The following HDAC4 variants were observed in gnomAD, a reference collection of about 807,000 sequenced individuals.
The protein encoded by HDAC4 is histone deacetylase A.
In HDAC4, 16 loss-of-function variants were observed where a neutral mutation model predicts 135.1. The ratio of observed to expected loss-of-function variants is 0.12; its 90% CI spans 0.08 to 0.18. The LOEUF is 0.18. Ranked by LOEUF, HDAC4 falls within the 10% of genes least tolerant of loss-of-function variation. HDAC4 has a pLI of 1.00. For synonymous variants in HDAC4, 685 were observed against 653.4 expected (o/e 1.05, Z -0.74); for missense variants, 1,143 against 1,511.8 (o/e 0.76, Z 4.05).
At chr2:239,251,005 G>A (rs60206527) in intron 2 of HDAC4, among the ~76,000 whole-genome samples, 394 of 152,298 alleles carry the variant, frequency 2.6e-3, no homozygotes, top group African/African-American at 8.9e-3. Flanking sequence ...CAGCCAGCAC[G>A]TCTGGAAAGA....
intron 3 of HDAC4, among the ~76,000 whole-genome samples, chr2:239,221,808 T>G (rs1229860602): frequency 2.2e-4 from 34 of 152,202 alleles, no homozygotes; most frequent in Non-Finnish European, 2.9e-5. Context: ...TCTTTTCTGG[T>G]GAATATTTCT....
intron 17 of HDAC4, among the ~76,000 whole-genome samples, chr2:239,093,639 C>T (rs922527325): frequency 2.6e-5 from 4 of 152,228 alleles, no homozygotes; most frequent in Admixed American, 6.5e-5. Flanking sequence ...CCCGCGTCCA[C>T]GTGGGGAGCT....
Position 239,068,675 on chromosome 2 carries a change from A to ACTTGCTT in HDAC4, c.2751-69_2751-68insAAGCAAG. On this transcript the variant is annotated intron_variant, in intron 22 of 26. Transcript: ENST00000543185. This position sits in a 1 kb window ranked among gnomAD's most constrained non-coding sequence, Gnocchi z 4.4. ...GGGACGGGACGGTCACAAAACCCCA[A>ACTTGCTT]GGTTCCCTCTGGCATTGATAATGCC... The ACTTGCTT allele has an allele frequency of 7.3e-7, 1 of 1,366,774 alleles. No individual in the cohort carries two copies. The highest frequency in any genetic ancestry group is 1.0e-6 in the Non-Finnish European group (1 of 955,728). 84.7% of individuals were successfully genotyped at this position (1,366,774 alleles called of 1,614,324 possible).
chr2:239,240,003 C>T lies in HDAC4; in HGVS notation c.23-3339G>A, dbSNP rs1264066677. Among the ~76,000 whole-genome samples the T allele has an allele frequency of 6.6e-6, 1 of 152,242 alleles. No homozygotes were observed. The highest frequency in any genetic ancestry group is 1.5e-5 in the Non-Finnish European group (1 of 68,044). On this transcript the variant is annotated intron_variant, in intron 2 of 26. Coordinates refer to ENST00000543185, the MANE Select transcript of HDAC4 (RefSeq NM_001378414.1). This position sits in a 1 kb window ranked among gnomAD's most constrained non-coding sequence, Gnocchi z 4.5. ...GCCACAGTCTCTTTAAGACAAGATC[C>T]CGGCCTGAGCCGTCCTTGGTCGTCC...
At chr2:239,317,833 G>A (rs1335424472) in intron 2 of HDAC4, among the ~76,000 whole-genome samples, 1 of 152,182 alleles carries the variant, frequency 6.6e-6, no homozygotes, top group Non-Finnish European at 1.5e-5. Context: ...GTGCACTGGT[G>A]AGAAAAATAA....
intron 4 of HDAC4, among the ~76,000 whole-genome samples, chr2:239,188,808 C>A (rs1387438479): frequency 6.6e-6 from 1 of 152,228 alleles, no homozygotes; most frequent in Admixed American, 6.5e-5. Context: ...GGGAAGCTGG[C>A]TGCTATGCTG....
chr2:239,193,381 AT>A (rs1161506984), intron 3 of HDAC4, among the ~76,000 whole-genome samples: 1 of 152,262 alleles, frequency 6.6e-6, no homozygotes. Context: ...ACATGCCCGC[AT>A]TTCCACTCCT....
At position 239,049,115 on chromosome 2, in the gene HDAC4, C is replaced by T. The variant is rs1190081813; in HGVS notation, c.*3982G>A. Reference sequence around the variant, plus strand: ...CTAAAACACTGTTTCCACATAAATACAATAAACTCTATTATTGGTATGTCA... The same window carrying T: ...CTAAAACACTGTTTCCACATAAATATAATAAACTCTATTATTGGTATGTCA... On this transcript the variant is annotated 3_prime_UTR_variant, in exon 27 of 27. Transcript: ENST00000543185. 1 of 152,282 alleles carries T rather than the reference C, an allele frequency of 6.6e-6. No individual in the cohort carries two copies. Among genetic ancestry groups the T allele is most frequent in the South Asian group, 2.1e-4 (1 of 4,836 alleles). The allele number at this position is 152,282 out of a possible 1,614,324, so 9.4% of individuals were successfully genotyped here. A position where few individuals can be genotyped will look rare whatever the true frequency, so the allele number is the denominator to read the frequency against.
At chr2:239,300,871 A>G (rs2052210710) in intron 2 of HDAC4, among the ~76,000 whole-genome samples, 1 of 152,238 alleles carries the variant, frequency 6.6e-6, no homozygotes. Context: ...CATTCCGTAC[A>G]TCGTGTCCAC....
At chr2:239,263,654 GAGA>G (rs1037817053) in intron 2 of HDAC4, among the ~76,000 whole-genome samples, 2 of 152,220 alleles carry the variant, frequency 1.3e-5, no homozygotes, top group African/African-American at 2.4e-5. Flanking sequence ...GGACACGGGA[GAGA>G]AGAATAAACA....
At chr2:239,118,108 A>G (rs2039307784) in intron 12 of HDAC4, among the ~76,000 whole-genome samples, 1 of 152,182 alleles carries the variant, frequency 6.6e-6, no homozygotes, top group Non-Finnish European at 1.5e-5. Flanking sequence ...AGACTCACAC[A>G]CACACAACAT....
In HDAC4 at chr2:239,087,429, T is replaced by C. The variant is rs1019735634; in HGVS notation, c.2444+130A>G. 5.8e-6 allele frequency: 5 copies of C among 856,108 alleles called. No homozygotes were observed. In the East Asian group the frequency reaches 1.3e-4, roughly 23 times the overall value. The allele number at this position is 856,108 out of a possible 1,614,324, so 53.0% of individuals were successfully genotyped here. A position where few individuals can be genotyped will look rare whatever the true frequency, so the allele number is the denominator to read the frequency against. On this transcript the variant is annotated intron_variant, in intron 19 of 26. Coordinates refer to ENST00000543185, the MANE Select transcript of HDAC4 (RefSeq NM_001378414.1). The stretch of plus-strand genomic sequence containing the variant: ...CCCAGGAGCTGGAGCCAAGCCGGCA[T>C]GCGGCACATCCTGGGTGGCCAGCAA...
At chr2:239,184,584 C>G (rs1247133293) in intron 4 of HDAC4, among the ~76,000 whole-genome samples, 153 of 36,634 alleles carry the variant, frequency 4.2e-3, no homozygotes, top group African/African-American at 5.5e-3. Context: ...TGTGCCCTAT[C>G]GGGGGGGGTC....
chr2:239,327,917 C>G (rs148984401), intron 2 of HDAC4, among the ~76,000 whole-genome samples: 43 of 152,342 alleles, frequency 2.8e-4, no homozygotes, highest in African/African-American at 9.4e-4. Flanking sequence ...ATGCTCTCCC[C>G]GCATACACAC....
intron 2 of HDAC4, among the ~76,000 whole-genome samples, chr2:239,290,349 C>T (rs1373775500): frequency 6.6e-6 from 1 of 152,172 alleles, no homozygotes; most frequent in East Asian, 1.9e-4. Flanking sequence ...CATGAAGCAC[C>T]AGCGACATGG....
chr2:239,217,633 A>G (rs2046713812), intron 3 of HDAC4, among the ~76,000 whole-genome samples: 1 of 152,204 alleles, frequency 6.6e-6, no homozygotes, highest in Non-Finnish European at 1.5e-5. Context: ...CAGTTTAGGG[A>G]AAGCGTATGA....
chr2:239,084,327 T>G (rs909212172), intron 19 of HDAC4, 85 bp from the exon 20 acceptor site: 2 of 909,668 alleles, frequency 2.2e-6, no homozygotes, highest in Non-Finnish European at 3.6e-6. Flanking sequence ...CCACTCGGGG[T>G]CCACGCAGAC....
intron 2 of HDAC4, among the ~76,000 whole-genome samples, chr2:239,265,552 C>T (rs59614950): frequency 0.041 from 6,215 of 151,940 alleles, 148 homozygotes; most frequent in East Asian, 0.08. Flanking sequence ...TGCGGTGGGG[C>T]GGGAACCCAG....
At chr2:239,232,610 C>G (rs1455379942) in intron 3 of HDAC4, among the ~76,000 whole-genome samples, 1 of 134,584 alleles carries the variant, frequency 7.4e-6, no homozygotes, top group Non-Finnish European at 1.6e-5. Context: ...TTCCCCTCAC[C>G]AAGCCAAGGG....
Sources: allele counts gnomAD v4.1 joint callset (sites outside exome capture counted in the v4.1 genomes callset), GRCh38; gene constraint gnomAD v4.1.1; non-coding constraint Gnocchi (gnomAD v3.1); transcripts MANE v1.5; gene names NCBI Gene and HGNC (gene_info 2026-07-23, HGNC 2026-07-21).